SLC17A7: variants seen among roughly 807,000 people sequenced by gnomAD.
SLC17A7 encodes solute carrier family 17 member 7.
Under a neutral mutation model 59.1 loss-of-function variants are expected in SLC17A7, and 15 were observed. The observed-to-expected ratio is 0.25, with a 90% confidence interval of 0.17 to 0.39. The LOEUF (loss-of-function observed/expected upper bound fraction) is 0.39. Ranked by LOEUF, SLC17A7 falls within the 10% of genes least tolerant of loss-of-function variation. The pLI, the probability that SLC17A7 is intolerant of heterozygous loss-of-function variation, is 1.00. For missense variants in SLC17A7, 499 were observed against 765.1 expected, an observed-to-expected ratio of 0.65 and a Z score of 4.10; for synonymous variants, 353 against 308.9, an observed-to-expected ratio of 1.14 and a Z score of -1.50.
Position 49,431,516 on chromosome 19 carries a change from C to T in SLC17A7, c.1151-68G>A, listed in dbSNP as rs1053595412. 4 of 1,353,578 alleles carry T rather than the reference C, an allele frequency of 3.0e-6. No homozygotes were observed. In the East Asian group the frequency reaches 7.1e-5, roughly 24 times the overall value. 83.8% of individuals were successfully genotyped at this position (1,353,578 alleles called of 1,614,324 possible). A position where few individuals can be genotyped will look rare whatever the true frequency, so the allele number is the denominator to read the frequency against. On this transcript the variant is annotated intron_variant, in intron 9 of 11. Coordinates refer to ENST00000221485, the MANE Select transcript of SLC17A7 (RefSeq NM_020309.4). This position sits in a 1 kb window ranked among gnomAD's most constrained non-coding sequence, Gnocchi z 4.6. ...GAGCAAGGCGCAGGCTGCCCCACACCGCCCTTCCAGACCTGCTCCAGCCCC... is the reference window on the plus strand; with the variant it reads ...GAGCAAGGCGCAGGCTGCCCCACACTGCCCTTCCAGACCTGCTCCAGCCCC...
Position 49,434,697 on chromosome 19 carries a change from G to A in SLC17A7, c.550-8C>T, listed in dbSNP as rs566078690. 450 of 1,614,188 alleles carry A rather than the reference G, an allele frequency of 2.8e-4. 11 individuals are homozygous for A. In the South Asian group the frequency reaches 4.8e-3, roughly 17 times the overall value. The stretch of plus-strand genomic sequence containing the variant: ...GGCGGGGTATGTGACCCCCTAAAGA[G>A]GAGAAAACCAAGGTCACTGAGAAGA... On this transcript the variant is annotated splice_region_variant and splice_polypyrimidine_tract_variant and intron_variant, in intron 4 of 11. Transcript: ENST00000221485.
Position 49,433,068 on chromosome 19 carries a change from C to A in SLC17A7, c.868-108G>T, listed in dbSNP as rs756610161. The A allele has an allele frequency of 3.3e-6, 4 of 1,205,122 alleles. No homozygotes were observed. The highest frequency in any genetic ancestry group is 1.5e-5 in the South Asian group (1 of 66,512). The allele number at this position is 1,205,122 out of a possible 1,614,324, so 74.7% of individuals were successfully genotyped here. Reference sequence around the variant, plus strand: ...TCTGCAGAAACCAAAGGATCCCGACCGCACTGAAACTTCTATGGACCCAAA... The same window carrying A: ...TCTGCAGAAACCAAAGGATCCCGACAGCACTGAAACTTCTATGGACCCAAA... On this transcript the variant is annotated intron_variant, in intron 7 of 11. Transcript: ENST00000221485. This position sits in a 1 kb window ranked among gnomAD's most constrained non-coding sequence, Gnocchi z 5.7.
intron 1 of SLC17A7, chr19:49,437,207 G>T: frequency 4.5e-6 from 1 of 222,214 alleles, no homozygotes; most frequent in Non-Finnish European, 9.1e-6. Flanking sequence ...CTAAGGAGAT[G>T]CTTCAGCAAA....
In SLC17A7 at chr19:49,434,771, T is replaced by A; in HGVS notation, c.546A>T (p.Val182=). 6.2e-7 allele frequency: 1 copy of A among 1,614,088 alleles called. No individual in the cohort carries two copies. The highest frequency in any genetic ancestry group is 8.5e-7 in the Non-Finnish European group (1 of 1,180,002). ...VIFVRILQGL[V]EGVTYPACHG... Reference sequence around the variant, plus strand: ...GTCATATCAGGCGGGGATTTACCTCTACCAACCCCTGCAGGATCCTCACGA... The same window carrying A: ...GTCATATCAGGCGGGGATTTACCTCAACCAACCCCTGCAGGATCCTCACGA... The change falls in exon 4 of 12, where the codon GTA becomes GTT. Residue 182 remains valine (V), a synonymous_variant. Transcript: ENST00000221485.
At position 49,436,637 on chromosome 19, in the gene SLC17A7, C is replaced by G; in HGVS notation, c.227G>C (p.Ser76Thr). The change falls in exon 2 of 12, where the codon AGC (serine) becomes ACC (threonine). Residue 76 changes from serine to threonine, a missense_variant. Ser to Thr is a moderately conservative substitution (Grantham distance 58, BLOSUM62 1). Coordinates refer to ENST00000221485, the MANE Select transcript of SLC17A7 (RefSeq NM_020309.4). This position sits in a 1 kb window ranked among gnomAD's most constrained non-coding sequence, Gnocchi z 4.1. ...AIMSGLGFCISFGIRCNLGVA... is the reference protein window; with the variant it reads ...AIMSGLGFCITFGIRCNLGVA... Reference sequence around the variant, plus strand: ...GCCCAGGTTGCAGCGGATGCCAAAGCTGATGCAGAAGCCCAGACCACTCAT... The same window carrying G: ...GCCCAGGTTGCAGCGGATGCCAAAGGTGATGCAGAAGCCCAGACCACTCAT... The G allele has an allele frequency of 6.2e-7, 1 of 1,614,046 alleles. No homozygotes were observed. Among genetic ancestry groups the G allele is most frequent in the Non-Finnish European group, 8.5e-7 (1 of 1,179,990 alleles).
At chr19:49,435,138 A>G (rs754128568) in intron 3 of SLC17A7, 30 bp downstream of exon 3, 1 of 1,514,840 alleles carries the variant, frequency 6.6e-7, no homozygotes, top group Non-Finnish European at 9.2e-7. Context: ...AACTGTAGTT[A>G]CCGCCCACTT....
rs901290560 is a variant in SLC17A7, at chr19:49,436,990, G to C, written c.63-189C>G. On this transcript the variant is annotated intron_variant, in intron 1 of 11. Transcript: ENST00000221485. This position sits in a 1 kb window ranked among gnomAD's most constrained non-coding sequence, Gnocchi z 4.1. ...ATCCAGAAATCCTCCATCTCCCTCAGACCGGGAATTCAGGCCCCCAGCCCC... is the reference window on the plus strand; with the variant it reads ...ATCCAGAAATCCTCCATCTCCCTCACACCGGGAATTCAGGCCCCCAGCCCC... 6.5e-6 allele frequency: 5 copies of C among 767,140 alleles called. No individual in the cohort carries two copies. In the African/African-American group the frequency reaches 7.2e-5, roughly 11 times the overall value. The allele number at this position is 767,140 out of a possible 1,614,324, so 47.5% of individuals were successfully genotyped here. A position where few individuals can be genotyped will look rare whatever the true frequency, so the allele number is the denominator to read the frequency against.
chr19:49,432,693 C>T (rs778985851), intron 8 of SLC17A7, 42 bp from the exon 9 acceptor site: 4 of 1,605,398 alleles, frequency 2.5e-6, no homozygotes, highest in Non-Finnish European at 3.4e-6. Context: ...TTCGGGGCCG[C>T]CGGCTCGGCG....
chr19:49,430,366 G>A lies in SLC17A7; in HGVS notation c.*153C>T, dbSNP rs2078953505. 1 of 575,198 alleles carries A rather than the reference G, an allele frequency of 1.7e-6. No individual in the cohort carries two copies. Among genetic ancestry groups the A allele is most frequent in the Non-Finnish European group, 3.0e-6 (1 of 333,474 alleles). 35.6% of individuals were successfully genotyped at this position (575,198 alleles called of 1,614,324 possible). On this transcript the variant is annotated 3_prime_UTR_variant, in exon 12 of 12. Transcript: ENST00000221485. ...ACTACCCCTGAGAGGCAATTGGGAA[G>A]GAAAGAGGATTTGACAGCACTGGGA...
At position 49,436,386 on chromosome 19, in the gene SLC17A7, C is replaced by A. The variant is rs1321133404; in HGVS notation, c.315+163G>T. Among the ~76,000 whole-genome samples, 1 of 152,128 alleles carries A rather than the reference C, an allele frequency of 6.6e-6. No individual in the cohort carries two copies. The highest frequency in any genetic ancestry group is 2.4e-5 in the African/African-American group (1 of 41,424). On this transcript the variant is annotated intron_variant, in intron 2 of 11. Transcript: ENST00000221485. The surrounding 1 kb of genome is among the most constrained non-coding windows in gnomAD (Gnocchi z 4.1). ...TAGGAAACGGAGGCGGCCCCTAAGG[C>A]GAGGTCAGAACTAAGGGGCGCACGG...
intron 1 of SLC17A7, among the ~76,000 whole-genome samples, 160 bp downstream of exon 1, chr19:49,441,158 G>A (rs935144488): frequency 3.3e-5 from 5 of 152,124 alleles, no homozygotes; most frequent in Admixed American, 3.3e-4. Context: ...GGCTCGACCA[G>A]GGAGAACAGC....
chr19:49,439,643 C>T (rs1330812451), intron 1 of SLC17A7, among the ~76,000 whole-genome samples: 1 of 152,216 alleles, frequency 6.6e-6, no homozygotes, highest in African/African-American at 2.4e-5. Context: ...TAAATGAGAT[C>T]AACCTGTTGT....
chr19:49,438,948 A>G (rs2078989817), intron 1 of SLC17A7, among the ~76,000 whole-genome samples: 1 of 152,116 alleles, frequency 6.6e-6, no homozygotes, highest in Non-Finnish European at 1.5e-5. Context: ...TAAAGAGGGA[A>G]CTTCAAGGTG....
chr19:49,439,766 G>A (rs901755718), intron 1 of SLC17A7, among the ~76,000 whole-genome samples: 3 of 152,116 alleles, frequency 2.0e-5, no homozygotes, highest in Non-Finnish European at 4.4e-5. Flanking sequence ...GCCAGAGCCC[G>A]GGGGTCTCTG....
intron 9 of SLC17A7, among the ~76,000 whole-genome samples, chr19:49,432,036 C>A (rs929405114): frequency 1.3e-5 from 2 of 152,210 alleles, no homozygotes; most frequent in African/African-American, 4.8e-5. Context: ...TAGCTCACTG[C>A]GGCCTCGCAG....
rs2078993535 is a variant in SLC17A7, at chr19:49,439,901, A to AT, written c.62+1416_62+1417insA. ...TGAGGAATACATCCCTCCCGCTGCC[A>AT]CCCCCCAGCCCCCTCCACCAGCACG... On this transcript the variant is annotated intron_variant, in intron 1 of 11. Transcript: ENST00000221485. 2.1e-5 allele frequency among the ~76,000 whole-genome samples: 3 copies of AT among 146,268 alleles called. No homozygotes were observed. In the South Asian group the frequency reaches 6.4e-4, roughly 31 times the overall value.
intron 1 of SLC17A7, among the ~76,000 whole-genome samples, chr19:49,439,419 C>A (rs566555376): frequency 6.6e-6 from 1 of 152,334 alleles, no homozygotes; most frequent in African/African-American, 2.4e-5. Context: ...GTTCTCATCT[C>A]TCTGGCATCC....
intron 4 of SLC17A7, 39 bp downstream of exon 4, chr19:49,434,729 G>C (rs771453197): frequency 3.1e-6 from 5 of 1,614,066 alleles, no homozygotes; most frequent in Non-Finnish European, 4.2e-6. Flanking sequence ...AAGAGGCAGG[G>C]TCCGAGCGAG....
intron 8 of SLC17A7, 38 bp downstream of exon 8, chr19:49,432,773 C>A: frequency 1.3e-6 from 2 of 1,587,672 alleles, no homozygotes; most frequent in Non-Finnish European, 1.7e-6. Flanking sequence ...TCCCGCCGAC[C>A]CCTCCGCGCC....
Sources: gnomAD v4.1 joint callset for allele counts (sites outside exome capture counted in the v4.1 genomes callset) on GRCh38, gnomAD v4.1.1 for gene constraint, Gnocchi (gnomAD v3.1) non-coding constraint, MANE v1.5 for transcripts, NCBI Gene and HGNC (gene_info 2026-07-23, HGNC 2026-07-21) for gene names.